Variants in DOK6 observed in about 807,000 individuals in gnomAD.
DOK6 encodes the protein downstream of tyrosine kinase 6.
DOK6 carries 22 observed loss-of-function variants against 44.0 expected under a neutral mutation model. The observed-to-expected ratio is 0.50, with a 90% confidence interval of 0.36 to 0.71. The LOEUF (loss-of-function observed/expected upper bound fraction) is 0.71, where lower values mean the gene tolerates loss of function less well. Among genes scored for constraint, DOK6 ranks in the 30% least tolerant of loss-of-function variants. The probability of loss-of-function intolerance (pLI) is 0.00; values close to 1 mark genes in which losing one functional copy is unlikely to be tolerated. For missense variants in DOK6, 340 were observed against 416.4 expected (o/e 0.82, Z 1.60); for synonymous variants, 166 against 145.5 (o/e 1.14, Z -1.01).
At chr18:69,551,100 G>C (rs778814163) in intron 1 of DOK6, among the ~76,000 whole-genome samples, 2 of 152,090 alleles carry the variant, frequency 1.3e-5, no homozygotes, top group Non-Finnish European at 2.9e-5. Flanking sequence ...AAAAACATTA[G>C]TGAAAGGATG....
Position 69,743,128 on chromosome 18 carries a change from A to G in DOK6, c.738+4025A>G, listed in dbSNP as rs567959387. On this transcript the variant is annotated intron_variant, in intron 6 of 7. Coordinates refer to ENST00000382713, the MANE Select transcript of DOK6 (RefSeq NM_152721.6). ...CATTTTCAAACTACAAACCAGTCTA[A>G]TTTTAAAAGAGTTTGAAGATACATG... Among the ~76,000 whole-genome samples, 21 of 152,340 alleles carry G rather than the reference A, an allele frequency of 1.4e-4. 1 individual carries two copies. In the South Asian group the frequency reaches 2.7e-3, roughly 20 times the overall value.
chr18:69,591,139 T>G (rs2144616673), intron 2 of DOK6, among the ~76,000 whole-genome samples: 1 of 152,310 alleles, frequency 6.6e-6, no homozygotes, highest in South Asian at 2.1e-4. Flanking sequence ...CATGCCAATT[T>G]TATTCTCATT....
intron 2 of DOK6, among the ~76,000 whole-genome samples, chr18:69,594,988 A>G (rs889540269): frequency 2.0e-5 from 3 of 152,200 alleles, no homozygotes; most frequent in Non-Finnish European, 4.4e-5. Context: ...AAAAGAGATC[A>G]AGAAGGCAGT....
intron 7 of DOK6, among the ~76,000 whole-genome samples, chr18:69,819,429 C>G (rs1981502656): frequency 6.6e-6 from 1 of 152,178 alleles, no homozygotes; most frequent in Admixed American, 6.6e-5. Flanking sequence ...TGGGGGAACT[C>G]ATGCAACTTG....
chr18:69,587,770 A>AAC (rs138552349), intron 2 of DOK6, among the ~76,000 whole-genome samples: 102 of 149,168 alleles, frequency 6.8e-4, no homozygotes, highest in African/African-American at 9.6e-4. Context: ...TGTAAATTTA[A>AAC]ACACACACAC....
At chr18:69,740,747 C>T (rs918914810) in intron 6 of DOK6, among the ~76,000 whole-genome samples, 1 of 152,198 alleles carries the variant, frequency 6.6e-6, no homozygotes, top group Non-Finnish European at 1.5e-5. Context: ...TCTGCGCATT[C>T]ATCTACATAA....
chr18:69,693,931 C>CAT (rs1568335699), intron 4 of DOK6, among the ~76,000 whole-genome samples: 1 of 151,196 alleles, frequency 6.6e-6, no homozygotes, highest in Non-Finnish European at 1.5e-5. Flanking sequence ...TGGTGGCGGG[C>CAT]GCCTGTAGTC....
intron 1 of DOK6, among the ~76,000 whole-genome samples, chr18:69,472,957 C>T (rs1205391198): frequency 6.6e-6 from 1 of 152,160 alleles, no homozygotes; most frequent in Admixed American, 6.5e-5. Flanking sequence ...TTTGAAACCT[C>T]TTCAAAGACA....
At chr18:69,609,483 C>CAAAAAATAAATA (rs147856604) in intron 3 of DOK6, among the ~76,000 whole-genome samples, 5,475 of 145,548 alleles carry the variant, frequency 0.038, 147 homozygotes, top group African/African-American at 0.073. Context: ...ATGGCTATTA[C>CAAAAAATAAATA]AAGAAATAAA....
intron 1 of DOK6, among the ~76,000 whole-genome samples, chr18:69,444,064 T>G (rs1568259676): frequency 6.6e-6 from 1 of 152,112 alleles, no homozygotes; most frequent in Admixed American, 6.6e-5. Flanking sequence ...ACATTATATA[T>G]AATTTGTCTC....
chr18:69,813,925 A>G (rs1266191837), intron 7 of DOK6, among the ~76,000 whole-genome samples: 1 of 152,198 alleles, frequency 6.6e-6, no homozygotes, highest in East Asian at 1.9e-4. Flanking sequence ...GAATTAAATG[A>G]AGTAATTATA....
intron 4 of DOK6, among the ~76,000 whole-genome samples, chr18:69,695,642 G>A (rs1185086519): frequency 2.6e-5 from 4 of 152,314 alleles, no homozygotes; most frequent in African/African-American, 9.6e-5. Context: ...ATTCGGTTAA[G>A]TATAGTTAGG....
At chr18:69,754,424 T>C (rs540588399) in intron 6 of DOK6, among the ~76,000 whole-genome samples, 5 of 151,526 alleles carry the variant, frequency 3.3e-5, no homozygotes, top group African/African-American at 1.2e-4. Context: ...ATCAAACAGG[T>C]CAATTTCTAA....
intron 2 of DOK6, among the ~76,000 whole-genome samples, chr18:69,577,580 C>G (rs1983267751): frequency 1.3e-5 from 2 of 152,018 alleles, no homozygotes; most frequent in African/African-American, 4.8e-5. Context: ...GCAGGTGTCT[C>G]AGGGAAGACT....
chr18:69,452,707 C>A (rs942649748), intron 1 of DOK6, among the ~76,000 whole-genome samples: 1 of 148,272 alleles, frequency 6.7e-6, no homozygotes, highest in Non-Finnish European at 1.5e-5. Context: ...AAAAGCTTAT[C>A]CACCATGATC....
chr18:69,459,282 A>G (rs886855195), intron 1 of DOK6, among the ~76,000 whole-genome samples: 4 of 151,188 alleles, frequency 2.6e-5, no homozygotes, highest in African/African-American at 7.3e-5. Flanking sequence ...ATTAAATTTT[A>G]GTAACCCCTA....
chr18:69,482,947 G>A (rs767744124), intron 1 of DOK6, among the ~76,000 whole-genome samples: 1 of 151,806 alleles, frequency 6.6e-6, no homozygotes, highest in Non-Finnish European at 1.5e-5. Context: ...AGGTAAACTT[G>A]TGTCATGGGG....
rs118014115 is a variant in DOK6 at position 69,639,884 on chromosome 18, G to A, written c.290-37850G>A. ...TTTCCTGTCCCAAAGCTAAGCAAGA[G>A]TGGAATTATCTCCCCAAAGTCCCTT... On this transcript the variant is annotated intron_variant, in intron 3 of 7. Transcript: ENST00000382713. Among the ~76,000 whole-genome samples, 622 of 152,254 alleles carry A rather than the reference G, an allele frequency of 4.1e-3. 4 individuals are homozygous for A. Among genetic ancestry groups the A allele is most frequent in the Non-Finnish European group, 5.8e-3 (394 of 68,024 alleles).
At chr18:69,673,409 C>T (rs1210292414) in intron 3 of DOK6, among the ~76,000 whole-genome samples, 1 of 152,186 alleles carries the variant, frequency 6.6e-6, no homozygotes, top group Non-Finnish European at 1.5e-5. Flanking sequence ...TACCTCTTCT[C>T]TGATCCCCTT....
Sources: gnomAD v4.1 joint callset for allele counts (sites outside exome capture counted in the v4.1 genomes callset) on GRCh38, gnomAD v4.1.1 for gene constraint, MANE v1.5 for transcripts, NCBI Gene and HGNC (gene_info 2026-07-23, HGNC 2026-07-21) for gene names.